TRAF3IP3: variants seen among roughly 807,000 people sequenced by gnomAD.
TRAF3IP3 encodes the protein TRAF3 interacting protein 3, also known as TRAF3-interacting JNK-activating modulator.
A neutral mutation model predicts 86.5 loss-of-function variants in TRAF3IP3; 64 were observed. The observed-to-expected ratio is 0.74, with a 90% confidence interval of 0.60 to 0.91. The LOEUF is 0.91. Among genes scored for constraint, TRAF3IP3 ranks in the 40% least tolerant of loss-of-function variants. The pLI is 0.00. For missense variants in TRAF3IP3, 579 were observed against 642.9 expected (o/e 0.90, Z 1.07); for synonymous variants, 220 against 243.9 (o/e 0.90, Z 0.91).
intron 1 of TRAF3IP3, 59 bp downstream of exon 1, chr1:209,756,368 G>A (rs1238288107): frequency 6.6e-6 from 1 of 152,240 alleles, no homozygotes; most frequent in Non-Finnish European, 1.5e-5. Flanking sequence ...TTCGGGGTAG[G>A]GCAGAAGATG....
At chr1:209,757,192 GCTCCTTT>G (rs2077169078) in intron 1 of TRAF3IP3, among the ~76,000 whole-genome samples, 1 of 152,230 alleles carries the variant, frequency 6.6e-6, no homozygotes, top group Admixed American at 6.5e-5. Flanking sequence ...TTCCACTGCA[GCTCCTTT>G]CTTGGGTAAG....
At position 209,779,545 on chromosome 1, in the gene TRAF3IP3, C is replaced by T. The variant is rs2077733384; in HGVS notation, c.1312+171C>T. 10 of 720,232 alleles carry T rather than the reference C, an allele frequency of 1.4e-5. No individual in the cohort carries two copies. The East Asian group carries it at 2.1e-4, about 15-fold the overall frequency. 44.6% of individuals were successfully genotyped at this position (720,232 alleles called of 1,614,324 possible). A position where few individuals can be genotyped will look rare whatever the true frequency, so the allele number is the denominator to read the frequency against. ...CTGATCATTGGCTCTGAGGACACTT[C>T]AACTAGTTAGCCTTCTATCTTGAGG... On this transcript the variant is annotated intron_variant, in intron 14 of 16. Coordinates refer to ENST00000367025, the MANE Select transcript of TRAF3IP3 (RefSeq NM_025228.4).
At position 209,759,115 on chromosome 1, in the gene TRAF3IP3, A is replaced by G. The variant is rs753748836; in HGVS notation, c.-78A>G. On this transcript the variant is annotated 5_prime_UTR_variant, in exon 2 of 17. Coordinates refer to ENST00000367025, the MANE Select transcript of TRAF3IP3 (RefSeq NM_025228.4). ...CTGGGCTAAGGAAAGCAGACTTGGC[A>G]CCAACATTAACCCTGACAGGTTGGT... 1.3e-5 allele frequency: 2 copies of G among 152,234 alleles called. No homozygotes were observed. The highest frequency in any genetic ancestry group is 2.9e-5 in the Non-Finnish European group (2 of 68,048). The allele number at this position is 152,234 out of a possible 1,614,324, so 9.4% of individuals were successfully genotyped here.
At chr1:209,775,317 T>C in intron 9 of TRAF3IP3, 32 bp from the exon 10 acceptor site, 1 of 1,584,198 alleles carries the variant, frequency 6.3e-7, no homozygotes, top group Non-Finnish European at 8.6e-7. Flanking sequence ...AGAAGCTCAA[T>C]GTGTATTTGT....
rs1366409557 is a variant in TRAF3IP3 at position 209,760,206 on chromosome 1, AGCT to A, written c.168_170del (p.Gln56_Leu57delinsHis). The A allele has an allele frequency of 2.5e-6, 4 of 1,614,142 alleles. No homozygotes were observed. The African/African-American group carries it at 5.3e-5, about 22-fold the overall frequency. On this transcript the variant is annotated inframe_deletion, in exon 3 of 17. Coordinates refer to ENST00000367025, the MANE Select transcript of TRAF3IP3 (RefSeq NM_025228.4). ...ACGCTGAGGATCCAACAGAGAGAGC[AGCT>A]CCAGAGAGCTCGACTGCAGCAGTTC...
At chr1:209,780,695 T>A in intron 15 of TRAF3IP3, 89 bp downstream of exon 15, 1 of 1,303,040 alleles carries the variant, frequency 7.7e-7, no homozygotes. Flanking sequence ...TTTCAAAGTT[T>A]AAGTTGTGAG....
Position 209,780,569 on chromosome 1 carries a change from A to C in TRAF3IP3, c.1412A>C (p.Gln471Pro), listed in dbSNP as rs768496467. 1 of 1,598,738 alleles carries C rather than the reference A, an allele frequency of 6.3e-7. No individual in the cohort carries two copies. Among genetic ancestry groups the C allele is most frequent in the Non-Finnish European group, 8.5e-7 (1 of 1,171,694 alleles). ...GACTGGGATCTCAGAGACCAGCTGC[A>C]AAAGAAGACTTTGCAGCTCCAGGCC... ...EKDWDLRDQLQKKTLQLQAKE... is the reference protein window; with the variant it reads ...EKDWDLRDQLPKKTLQLQAKE... The change falls in exon 15 of 17, where the codon CAA becomes CCA. Residue 471 changes from glutamine (Q) to proline (P), a missense_variant. By Grantham distance (76) the Gln-to-Pro change is moderately conservative. Transcript: ENST00000367025.
At chr1:209,777,887 A>C in intron 12 of TRAF3IP3, 1 of 591,266 alleles carries the variant, frequency 1.7e-6, no homozygotes. Flanking sequence ...GATAGTGTGT[A>C]AACACAAGCC....
At position 209,782,046 on chromosome 1, in the gene TRAF3IP3, C is replaced by G. The variant is rs780432245; in HGVS notation, c.1564-10C>G. ...TGGCCACTTTCTTCTGTCTCCCTGT[C>G]CCCCTACAGAGGCAATGTGGGCGAT... On this transcript the variant is annotated splice_polypyrimidine_tract_variant and intron_variant, in intron 16 of 16. Coordinates refer to ENST00000367025, the MANE Select transcript of TRAF3IP3 (RefSeq NM_025228.4). The G allele has an allele frequency of 6.2e-7, 1 of 1,610,588 alleles. No homozygotes were observed. The highest frequency in any genetic ancestry group is 2.2e-5 in the East Asian group (1 of 44,888).
chr1:209,777,508 C>T, intron 12 of TRAF3IP3, 21 bp downstream of exon 12: 1 of 1,585,068 alleles, frequency 6.3e-7, no homozygotes, highest in Non-Finnish European at 8.6e-7. Context: ...CCTTGGAGGC[C>T]TTGAGTGCAT....
At chr1:209,765,184 AGAGAGAGAGAGAG>A (rs2077320433) in intron 8 of TRAF3IP3, among the ~76,000 whole-genome samples, 1 of 29,802 alleles carries the variant, frequency 3.4e-5, no homozygotes, top group African/African-American at 3.1e-4. Context: ...GACAGGAGAG[AGAGAGAGAGAGAG>A]AGAGAGAGAG....
At chr1:209,779,738 A>AACTCACTGTTAGCCCTAGAGAGTCT (rs1359053415) in intron 14 of TRAF3IP3, 13 of 564,236 alleles carry the variant, frequency 2.3e-5, no homozygotes, top group Non-Finnish European at 3.5e-5. Flanking sequence ...GTCCAGAGTC[A>AACTCACTGTTAGCCCTAGAGAGTCT]ACTCACTGTT....
chr1:209,775,165 T>G lies in TRAF3IP3; in HGVS notation c.775-184T>G, dbSNP rs1468849141. 1.3e-5 allele frequency: 8 copies of G among 621,974 alleles called. No homozygotes were observed. The Admixed American group carries it at 1.8e-4, about 14-fold the overall frequency. The allele number at this position is 621,974 out of a possible 1,614,324, so 38.5% of individuals were successfully genotyped here. A position where few individuals can be genotyped will look rare whatever the true frequency, so the allele number is the denominator to read the frequency against. On this transcript the variant is annotated intron_variant, in intron 9 of 16. Coordinates refer to ENST00000367025, the MANE Select transcript of TRAF3IP3 (RefSeq NM_025228.4). ...GCCTAGGGCACTGTTTATTATGCCCTCCACTCATCTCTCATTGCCTGAGGG... is the reference window on the plus strand; with the variant it reads ...GCCTAGGGCACTGTTTATTATGCCCGCCACTCATCTCTCATTGCCTGAGGG...
At chr1:209,780,735 A>G (rs2077759696) in intron 15 of TRAF3IP3, 129 bp downstream of exon 15, 2 of 871,680 alleles carry the variant, frequency 2.3e-6, no homozygotes, top group Admixed American at 4.1e-5. Flanking sequence ...ATTTGCCTAC[A>G]TAAAGTGTCT....
intron 11 of TRAF3IP3, 183 bp downstream of exon 11, chr1:209,775,919 C>A: frequency 1.7e-6 from 1 of 583,022 alleles, no homozygotes. Flanking sequence ...TTGAGTTTAG[C>A]AAGGATGTCT....
At chr1:209,761,433 G>A (rs1039693421) in intron 3 of TRAF3IP3, among the ~76,000 whole-genome samples, 2 of 152,204 alleles carry the variant, frequency 1.3e-5, no homozygotes, top group African/African-American at 4.8e-5. Flanking sequence ...GTTGACAGCA[G>A]GGATGTGTCC....
chr1:209,758,591 C>T (rs1344617873), intron 1 of TRAF3IP3: 2 of 152,144 alleles, frequency 1.3e-5, no homozygotes, highest in Non-Finnish European at 2.9e-5. Flanking sequence ...AAATAAACCC[C>T]AAGGGGTTAG....
At chr1:209,775,961 T>A in intron 11 of TRAF3IP3, 1 of 446,836 alleles carries the variant, frequency 2.2e-6, no homozygotes, top group Non-Finnish European at 4.0e-6. Context: ...TAAGCGTTCA[T>A]TGGAATGACA....
At chr1:209,769,267 T>C (rs1248739319) in intron 8 of TRAF3IP3, among the ~76,000 whole-genome samples, 3 of 151,974 alleles carry the variant, frequency 2.0e-5, no homozygotes, top group Non-Finnish European at 4.4e-5. Flanking sequence ...CCAGAGGAGG[T>C]AGGTGTAGAG....
Sources: gnomAD v4.1 joint callset for allele counts (sites outside exome capture counted in the v4.1 genomes callset) on GRCh38, gnomAD v4.1.1 for gene constraint, MANE v1.5 for transcripts, NCBI Gene and HGNC (gene_info 2026-07-23, HGNC 2026-07-21) for gene names.